The following RBFOX1 variants were observed in gnomAD, a reference collection of about 807,000 sequenced individuals.
RBFOX1 encodes RNA binding protein fox-1 homolog 1.
A neutral mutation model predicts 57.7 loss-of-function variants in RBFOX1; 8 were observed. The ratio of observed to expected loss-of-function variants is 0.14; its 90% CI spans 0.08 to 0.25. The LOEUF is 0.25. Ranked by LOEUF, RBFOX1 falls within the 10% of genes least tolerant of loss-of-function variation. RBFOX1 has a pLI of 1.00. For synonymous variants in RBFOX1, 326 were observed against 222.4 expected (o/e 1.47, Z -4.15); for missense variants, 611 against 548.5 (o/e 1.11, Z -1.14).
chr16:6,442,729 T>C (rs1055688352), intron 2 of RBFOX1, among the ~76,000 whole-genome samples: 7 of 152,200 alleles, frequency 4.6e-5, no homozygotes, highest in African/African-American at 1.7e-4. Flanking sequence ...CAATTGAGGC[T>C]GTATTTCTAG....
chr16:6,274,315 C>T (rs770602496), intron 1 of RBFOX1, among the ~76,000 whole-genome samples: 5 of 152,192 alleles, frequency 3.3e-5, no homozygotes, highest in South Asian at 2.1e-4. Flanking sequence ...TTTCACTGGG[C>T]GAATGGCTAC....
At position 5,509,488 on chromosome 16, in the gene RBFOX1, T is replaced by C. The variant is rs1247762740; in HGVS notation, c.258+42234T>C. ...GACAAGCACTGTGGCTGGCTTGTAG[T>C]TGGCAAAGTGAGCAAAGAGAGAAAG... On this transcript the variant is annotated intron_variant, in intron 2 of 2. Coordinates refer to the RBFOX1 transcript ENST00000585867. Among the ~76,000 whole-genome samples, 3 of 152,184 alleles carry C rather than the reference T, an allele frequency of 2.0e-5. No individual in the cohort carries two copies. The East Asian group carries it at 5.8e-4, about 29-fold the overall frequency.
chr16:7,592,979 C>CT (rs1203680995), intron 7 of RBFOX1, among the ~76,000 whole-genome samples: 32,069 of 137,496 alleles, frequency 0.23, 3,856 homozygotes, highest in Admixed American at 0.29. Context: ...TCACACCTGG[C>CT]TTTTTTTTTT....
At chr16:7,614,803 T>C (rs777419573) in intron 10 of RBFOX1, 5 of 152,222 alleles carry the variant, frequency 3.3e-5, no homozygotes, top group Non-Finnish European at 7.3e-5. Context: ...CAAATCCTTA[T>C]GAAAATGCTA....
At chr16:5,331,954 A>G (rs938573013) in intron 1 of RBFOX1, among the ~76,000 whole-genome samples, 2 of 152,238 alleles carry the variant, frequency 1.3e-5, no homozygotes, top group Admixed American at 1.3e-4. Flanking sequence ...CATAGTGTCA[A>G]GTCCTAAGAC....
At chr16:6,771,371 T>C (rs944974398) in intron 3 of RBFOX1, among the ~76,000 whole-genome samples, 2 of 152,116 alleles carry the variant, frequency 1.3e-5, no homozygotes, top group Non-Finnish European at 2.9e-5. Flanking sequence ...ATGCAGATAG[T>C]ACACAGATCT....
intron 4 of RBFOX1, among the ~76,000 whole-genome samples, chr16:7,511,957 G>C (rs1416384545): frequency 6.6e-6 from 1 of 152,154 alleles, no homozygotes; most frequent in Non-Finnish European, 1.5e-5. Flanking sequence ...GAAATTAAAC[G>C]TTAAGTTTGC....
At chr16:5,321,684 G>T (rs1184433828) in intron 1 of RBFOX1, among the ~76,000 whole-genome samples, 2 of 152,136 alleles carry the variant, frequency 1.3e-5, no homozygotes, top group African/African-American at 4.8e-5. Context: ...GGGAAGTGGT[G>T]GTGGCCGTCA....
chr16:5,716,446 C>T (rs571356847), intron 3 of RBFOX1, among the ~76,000 whole-genome samples: 32 of 152,254 alleles, frequency 2.1e-4, no homozygotes, highest in Middle Eastern at 3.4e-3. Flanking sequence ...CCAACAATTG[C>T]ATGAAAAAAA....
chr16:7,282,466 G>A (rs1169413085), intron 4 of RBFOX1, among the ~76,000 whole-genome samples: 2 of 152,036 alleles, frequency 1.3e-5, no homozygotes, highest in Non-Finnish European at 2.9e-5. Context: ...GAAATACATG[G>A]ATATTAGAAG....
At chr16:5,504,025 G>T (rs562077066) in intron 2 of RBFOX1, among the ~76,000 whole-genome samples, 2 of 152,226 alleles carry the variant, frequency 1.3e-5, no homozygotes, top group East Asian at 3.9e-4. Context: ...TTGTCTCTGG[G>T]GGGCTGGTTT....
intron 2 of RBFOX1, among the ~76,000 whole-genome samples, chr16:6,333,294 C>T (rs1356159832): frequency 2.0e-5 from 3 of 152,238 alleles, no homozygotes; most frequent in African/African-American, 7.2e-5. Flanking sequence ...ATCCACATGC[C>T]TCAGCACCCC....
chr16:7,189,274 A>C (rs2084720845), intron 4 of RBFOX1, among the ~76,000 whole-genome samples: 1 of 151,666 alleles, frequency 6.6e-6, no homozygotes, highest in Non-Finnish European at 1.5e-5. Flanking sequence ...AAATACAAAA[A>C]AATTAGCCGG....
intron 14 of RBFOX1, among the ~76,000 whole-genome samples, chr16:7,681,314 C>A (rs1315035541): frequency 1.3e-5 from 2 of 152,164 alleles, no homozygotes; most frequent in African/African-American, 4.8e-5. Flanking sequence ...AGGAAGGGAC[C>A]ATCTTTCTGC....
chr16:7,333,263 T>C (rs1401444944), intron 4 of RBFOX1, among the ~76,000 whole-genome samples: 2 of 152,202 alleles, frequency 1.3e-5, no homozygotes, highest in Non-Finnish European at 2.9e-5. Context: ...GCTATCGACA[T>C]CTCTCATGGC....
At chr16:5,315,955 A>G (rs2064225840) in intron 1 of RBFOX1, among the ~76,000 whole-genome samples, 1 of 152,172 alleles carries the variant, frequency 6.6e-6, no homozygotes, top group African/African-American at 2.4e-5. Flanking sequence ...AACTTTTGAC[A>G]GGTGCCACCT....
chr16:5,893,878 C>T (rs1478843984), intron 4 of RBFOX1, among the ~76,000 whole-genome samples: 2 of 151,652 alleles, frequency 1.3e-5, no homozygotes, highest in South Asian at 2.1e-4. Flanking sequence ...GAAGATTAAA[C>T]ATAAACAAGT....
At chr16:5,367,579 A>G (rs2065753331) in intron 1 of RBFOX1, among the ~76,000 whole-genome samples, 2 of 152,182 alleles carry the variant, frequency 1.3e-5, no homozygotes, top group Admixed American at 1.3e-4. Flanking sequence ...AGTGGATACT[A>G]TTACTTCATT....
intron 3 of RBFOX1, among the ~76,000 whole-genome samples, chr16:6,974,798 G>C (rs941072602): frequency 1.3e-5 from 2 of 152,092 alleles, no homozygotes; most frequent in Admixed American, 1.3e-4. Flanking sequence ...CCTTGATGAA[G>C]TTTGCCAGTC....
Sources: gnomAD v4.1 joint callset for allele counts (sites outside exome capture counted in the v4.1 genomes callset) on GRCh38, gnomAD v4.1.1 for gene constraint, MANE v1.5 for transcripts, NCBI Gene and HGNC (gene_info 2026-07-23, HGNC 2026-07-21) for gene names.